CNBD1: variants seen among roughly 807,000 people sequenced by gnomAD.
The protein encoded by CNBD1 is cyclic nucleotide binding domain containing 1.
A neutral mutation model predicts 54.4 loss-of-function variants in CNBD1; 71 were observed. That is an observed-to-expected ratio of 1.30 (90% CI 1.08 to 1.59). The LOEUF (loss-of-function observed/expected upper bound fraction) is 1.59. Ranked by LOEUF, CNBD1 falls within the 40% of genes most tolerant of loss-of-function variation. The pLI, the probability that CNBD1 is intolerant of heterozygous loss-of-function variation, is 0.00. For synonymous variants in CNBD1, 182 were observed against 170.7 expected (o/e 1.07, Z -0.51); for missense variants, 659 against 518.0 (o/e 1.27, Z -2.64).
chr8:87,194,388 T>C (rs1053766802), intron 4 of CNBD1, among the ~76,000 whole-genome samples: 63 of 152,336 alleles, frequency 4.1e-4, no homozygotes, highest in Non-Finnish European at 2.2e-4. Context: ...ATTTTAATTA[T>C]GGCATGTTTC....
At chr8:87,012,992 T>G (rs1184921531) in intron 4 of CNBD1, among the ~76,000 whole-genome samples, 2 of 152,182 alleles carry the variant, frequency 1.3e-5, no homozygotes, top group Non-Finnish European at 2.9e-5. Flanking sequence ...CAGAATAAAT[T>G]CCTTCAAATA....
chr8:86,970,499 T>G (rs771125491), intron 4 of CNBD1, among the ~76,000 whole-genome samples: 2 of 152,172 alleles, frequency 1.3e-5, no homozygotes, highest in Admixed American at 6.5e-5. Flanking sequence ...TGTGCAAGTT[T>G]GTTACATGGG....
In CNBD1 at chr8:87,045,496, C is replaced by T. The variant is rs577086291; in HGVS notation, c.431+105742C>T. Among the ~76,000 whole-genome samples the T allele has an allele frequency of 3.1e-4, 47 of 152,044 alleles. No homozygotes were observed. The South Asian group carries it at 9.3e-3, about 30-fold the overall frequency. On this transcript the variant is annotated intron_variant, in intron 4 of 10. Transcript: ENST00000518476. ...TACACAGGTCTTTGGGAGGCGGAGGCGGGCGGATCACGAGGTCAGGAGATC... is the reference window on the plus strand; with the variant it reads ...TACACAGGTCTTTGGGAGGCGGAGGTGGGCGGATCACGAGGTCAGGAGATC...
In CNBD1 at chr8:86,945,915, A is replaced by G. The variant is rs182689463; in HGVS notation, c.431+6161A>G. ...AGATTGAAAGTTACATTTGGGATGT[A>G]CATGTTGCAAAATGCCTGGCCTGCA... is the stretch of plus-strand genomic sequence containing the variant. On this transcript the variant is annotated intron_variant, in intron 4 of 10. Coordinates refer to ENST00000518476, the MANE Select transcript of CNBD1 (RefSeq NM_173538.3). 1.4e-3 allele frequency among the ~76,000 whole-genome samples: 220 copies of G among 152,346 alleles called. 1 individual carries two copies. Among genetic ancestry groups the G allele is most frequent in the African/African-American group, 5.1e-3 (214 of 41,588 alleles).
At chr8:86,919,785 G>A (rs1035898319) in intron 3 of CNBD1, among the ~76,000 whole-genome samples, 7 of 152,128 alleles carry the variant, frequency 4.6e-5, no homozygotes, top group Non-Finnish European at 7.4e-5. Flanking sequence ...TGCTGTCAAA[G>A]TGACTTTCAA....
chr8:87,019,737 A>T (rs113226248), intron 4 of CNBD1, among the ~76,000 whole-genome samples: 3 of 152,074 alleles, frequency 2.0e-5, no homozygotes, highest in African/African-American at 7.2e-5. Context: ...AATTAGCCGG[A>T]TGTGGTGGCA....
At chr8:87,302,739 A>G (rs1490367181) in intron 8 of CNBD1, among the ~76,000 whole-genome samples, 1 of 151,940 alleles carries the variant, frequency 6.6e-6, no homozygotes, top group Non-Finnish European at 1.5e-5. Context: ...AGAAAACCCC[A>G]TCATCTCAGC....
At chr8:87,164,458 G>C (rs999164641) in intron 4 of CNBD1, among the ~76,000 whole-genome samples, 1 of 151,572 alleles carries the variant, frequency 6.6e-6, no homozygotes, top group Admixed American at 6.6e-5. Context: ...TAATTACTGA[G>C]TCAATTTCTT....
chr8:87,203,395 C>A (rs1586326930), intron 4 of CNBD1, among the ~76,000 whole-genome samples: 1 of 152,286 alleles, frequency 6.6e-6, no homozygotes, highest in South Asian at 2.1e-4. Context: ...CATACACATT[C>A]TTTCAGATTT....
chr8:87,293,511 CCAGCCTGG>C (rs1808822543), intron 8 of CNBD1, among the ~76,000 whole-genome samples: 1 of 152,104 alleles, frequency 6.6e-6, no homozygotes, highest in Non-Finnish European at 1.5e-5. Flanking sequence ...CTGCTGCACT[CCAGCCTGG>C]GTGACAGAGC....
At chr8:87,025,370 T>C (rs2130583626) in intron 4 of CNBD1, among the ~76,000 whole-genome samples, 1 of 152,314 alleles carries the variant, frequency 6.6e-6, no homozygotes, top group East Asian at 1.9e-4. Flanking sequence ...TTGCTGCTGC[T>C]CACTCTTTGG....
intron 8 of CNBD1, among the ~76,000 whole-genome samples, chr8:87,306,282 C>T (rs1388731643): frequency 6.6e-6 from 1 of 152,110 alleles, no homozygotes; most frequent in African/African-American, 2.4e-5. Context: ...GCAGGGAACA[C>T]TTTTATACTG....
chr8:87,321,375 G>C (rs1184303700), intron 8 of CNBD1, among the ~76,000 whole-genome samples: 2 of 152,112 alleles, frequency 1.3e-5, no homozygotes, highest in African/African-American at 4.8e-5. Flanking sequence ...TTGTTTGTTT[G>C]ATTGTGGCCA....
chr8:86,931,399 C>T (rs1173556190), intron 3 of CNBD1, among the ~76,000 whole-genome samples: 1 of 152,160 alleles, frequency 6.6e-6, no homozygotes, highest in African/African-American at 2.4e-5. Context: ...GAACCTTTGT[C>T]CTCTTGGGCT....
intron 5 of CNBD1, among the ~76,000 whole-genome samples, chr8:87,222,213 A>G (rs1294295010): frequency 6.6e-6 from 1 of 152,148 alleles, no homozygotes; most frequent in East Asian, 1.9e-4. Flanking sequence ...ACAGAATTCT[A>G]AGGAAAAAAA....
chr8:87,255,956 A>G (rs1304768005), intron 6 of CNBD1, among the ~76,000 whole-genome samples: 1 of 119,952 alleles, frequency 8.3e-6, no homozygotes, highest in African/African-American at 3.0e-5. Context: ...AAATACTCAT[A>G]TGATTTGCAG....
chr8:87,052,132 G>A (rs1424572632), intron 4 of CNBD1, among the ~76,000 whole-genome samples: 1 of 152,166 alleles, frequency 6.6e-6, no homozygotes, highest in Non-Finnish European at 1.5e-5. Context: ...TGTAAAGCAA[G>A]CACTAGTGCC....
chr8:87,272,457 A>G (rs1293077536), intron 6 of CNBD1, among the ~76,000 whole-genome samples: 1 of 152,004 alleles, frequency 6.6e-6, no homozygotes, highest in Non-Finnish European at 1.5e-5. Context: ...ATTCAACTGA[A>G]TCTTCTTTAT....
chr8:87,213,056 A>G (rs1350903064), intron 5 of CNBD1, among the ~76,000 whole-genome samples: 5 of 152,238 alleles, frequency 3.3e-5, no homozygotes, highest in Non-Finnish European at 7.3e-5. Flanking sequence ...CTGAATAGAT[A>G]CATTTTCAGA....
Sources: allele counts gnomAD v4.1 joint callset (sites outside exome capture counted in the v4.1 genomes callset), GRCh38; gene constraint gnomAD v4.1.1; transcripts MANE v1.5; gene names NCBI Gene and HGNC (gene_info 2026-07-23, HGNC 2026-07-21).